The following DYNC2I1 variants were observed in gnomAD, a reference collection of about 807,000 sequenced individuals.
DYNC2I1 encodes the protein cytoplasmic dynein 2 intermediate chain 1.
A neutral mutation model predicts 133.4 loss-of-function variants in DYNC2I1; 89 were observed. The observed-to-expected ratio is 0.67, with a 90% confidence interval of 0.56 to 0.80. The LOEUF (loss-of-function observed/expected upper bound fraction) is 0.80, where lower values mean the gene tolerates loss of function less well. Ranked by LOEUF, DYNC2I1 falls within the 30% of genes least tolerant of loss-of-function variation. The probability of loss-of-function intolerance (pLI) is 0.00; values close to 1 mark genes in which losing one functional copy is unlikely to be tolerated. For missense variants in DYNC2I1, 1,291 were observed against 1,314.5 expected (o/e 0.98, Z 0.28); for synonymous variants, 504 against 484.3 (o/e 1.04, Z -0.54).
rs763109386 is a variant in DYNC2I1 at position 158,945,749 on chromosome 7, C to T, written c.3171C>T (p.Ala1057=). The change falls in exon 25 of 25, where the codon GCC becomes GCT. Residue 1057 remains alanine (A), a synonymous_variant. Transcript: ENST00000407559. The surrounding 1 kb of genome is among the most constrained non-coding windows in gnomAD (Gnocchi z 4.1). The part of the protein sequence containing the change: ...CNRLRLLLQE[A]LWPEGKLHK ...GGCTGCGTCTGCTTTTGCAGGAAGC[C>T]CTGTGGCCAGAGGGAAAACTGCACA... The T allele has an allele frequency of 2.2e-5, 35 of 1,588,178 alleles. No homozygotes were observed. The highest frequency in any genetic ancestry group is 2.1e-5 in the Non-Finnish European group (25 of 1,166,068).
intron 5 of DYNC2I1, among the ~76,000 whole-genome samples, chr7:158,881,357 T>C (rs1458065492): frequency 6.6e-6 from 1 of 152,196 alleles, no homozygotes; most frequent in Non-Finnish European, 1.5e-5. Flanking sequence ...AAGCCTGGAC[T>C]CCCCTCTAGT....
chr7:158,942,464 C>G (rs1274339971), intron 24 of DYNC2I1, among the ~76,000 whole-genome samples: 1 of 152,148 alleles, frequency 6.6e-6, no homozygotes, highest in Non-Finnish European at 1.5e-5. Context: ...CCTGAGGGTT[C>G]ACTCTTGGGT....
At position 158,913,032 on chromosome 7, in the gene DYNC2I1, G is replaced by A. The variant is rs1367408843; in HGVS notation, c.1638G>A (p.Thr546=). 18 of 1,613,306 alleles carry A rather than the reference G, an allele frequency of 1.1e-5. No individual in the cohort carries two copies. The highest frequency in any genetic ancestry group is 1.7e-5 in the Admixed American group (1 of 59,948). Residue 546 remains threonine, a synonymous_variant, in exon 13 of 25, where the codon ACG becomes ACA. Coordinates refer to ENST00000407559, the MANE Select transcript of DYNC2I1 (RefSeq NM_018051.5). The stretch of plus-strand genomic sequence containing the variant: ...ATAATGTTGAAAGAGACATTCAAAC[G>A]GAGGAAATAGAGACCAGGGAAGTGT... ...NEDNVERDIQ[T]EEIETREVWT...
rs1261400525 is a variant in DYNC2I1 at position 158,926,252 on chromosome 7, G to A, written c.2323G>A (p.Val775Ile). ...AGCAGTAGAACCTATCTCAACGTCC[G>A]TCCACAAAAAGCAGAGCTTTGTGCT... ...LQAVEPISTS[V>I]HKKQSFVLSP... Residue 775 changes from valine (V) to isoleucine (I), a missense_variant, in exon 18 of 25, where the codon GTC (valine) becomes ATC (isoleucine). Physicochemically the swap from Val to Ile is conservative, Grantham distance 29 (BLOSUM62 3). Coordinates refer to ENST00000407559, the MANE Select transcript of DYNC2I1 (RefSeq NM_018051.5). 15 of 1,613,386 alleles carry A rather than the reference G, an allele frequency of 9.3e-6. No homozygotes were observed. The highest frequency in any genetic ancestry group is 6.7e-5 in the East Asian group (3 of 44,872).
intron 11 of DYNC2I1, among the ~76,000 whole-genome samples, chr7:158,908,494 TA>T: frequency 6.6e-6 from 1 of 152,354 alleles, no homozygotes; most frequent in East Asian, 1.9e-4. Flanking sequence ...GATAGAGACT[TA>T]TTATCCCTAA....
chr7:158,930,690 C>G (rs899716953), intron 21 of DYNC2I1, among the ~76,000 whole-genome samples, 175 bp downstream of exon 21: 1 of 151,884 alleles, frequency 6.6e-6, no homozygotes, highest in Non-Finnish European at 1.5e-5. Context: ...TTTTTTGAGA[C>G]GGAGTTTCAC....
chr7:158,841,908 A>C, the DYNC2I1 span, among the ~76,000 whole-genome samples: 1 of 152,160 alleles, frequency 6.6e-6, no homozygotes, highest in African/African-American at 2.4e-5. Context: ...TATAATTCAG[A>C]AGTCCTCTGA....
intron 21 of DYNC2I1, 25 bp downstream of exon 21, chr7:158,930,540 A>G (rs762709953): frequency 1.3e-6 from 2 of 1,599,986 alleles, no homozygotes; most frequent in East Asian, 2.2e-5. Context: ...AAAATGCTTC[A>G]CTATCTCACA....
At chr7:158,886,589 A>AC (rs1844627141) in intron 6 of DYNC2I1, among the ~76,000 whole-genome samples, 1 of 152,192 alleles carries the variant, frequency 6.6e-6, no homozygotes, top group African/African-American at 2.4e-5. Flanking sequence ...TGCTTTGCTA[A>AC]CCTGAAACAG....
the DYNC2I1 span, among the ~76,000 whole-genome samples, chr7:158,846,832 G>T: frequency 3.3e-5 from 5 of 152,084 alleles, no homozygotes; most frequent in Non-Finnish European, 7.4e-5. Context: ...TTTACCTTTT[G>T]TTGGCTTTTT....
Position 158,941,591 on chromosome 7 carries a change from CAAAA to C in DYNC2I1, c.2779-331_2779-328del, listed in dbSNP as rs546248646. ...TGCTGAGATCAAGTTACGAAAAAAA[CAAAA>C]AAGAGGCTGGGCATGATGGCTCACA... is the stretch of plus-strand genomic sequence containing the variant. On this transcript the variant is annotated intron_variant, in intron 23 of 24. Transcript: ENST00000407559. Among the ~76,000 whole-genome samples, 1,320 of 152,182 alleles carry C rather than the reference CAAAA, an allele frequency of 8.7e-3. 14 individuals are homozygous for C. The highest frequency in any genetic ancestry group is 0.014 in the Non-Finnish European group (980 of 67,976).
intron 21 of DYNC2I1, among the ~76,000 whole-genome samples, chr7:158,931,046 G>A (rs1850169124): frequency 6.6e-6 from 1 of 151,758 alleles, no homozygotes. Context: ...ATTAAGTAGA[G>A]GTTATTTTCT....
intron 15 of DYNC2I1, among the ~76,000 whole-genome samples, chr7:158,919,615 G>A (rs1462812896): frequency 1.3e-5 from 2 of 152,184 alleles, no homozygotes; most frequent in East Asian, 1.9e-4. Flanking sequence ...TTCGGGGCAC[G>A]TGTGAGACCA....
intron 4 of DYNC2I1, among the ~76,000 whole-genome samples, chr7:158,878,854 G>T (rs1194384887): frequency 6.9e-6 from 1 of 145,028 alleles, no homozygotes; most frequent in Non-Finnish European, 1.5e-5. Flanking sequence ...CATGTGGGGT[G>T]GCCAGGAGGG....
chr7:158,915,276 CGGTGGTTG>C (rs1847956860), intron 14 of DYNC2I1, among the ~76,000 whole-genome samples: 1 of 110,732 alleles, frequency 9.0e-6, no homozygotes, highest in African/African-American at 3.5e-5. Flanking sequence ...AACCTCGACA[CGGTGGTTG>C]AGATTAAGGA....
In DYNC2I1 at chr7:158,934,163, A is replaced by G. The variant is rs545922008; in HGVS notation, c.2581A>G (p.Thr861Ala). The G allele has an allele frequency of 1.7e-5, 27 of 1,612,686 alleles. No individual in the cohort carries two copies. In the African/African-American group the frequency reaches 2.5e-4, roughly 15 times the overall value. Residue 861 changes from threonine (T) to alanine (A), a missense_variant, in exon 22 of 25, where the codon ACA becomes GCA. Physicochemically the swap from Thr to Ala is moderately conservative, Grantham distance 58. Transcript: ENST00000407559. The stretch of plus-strand genomic sequence containing the variant: ...TAAAGGTAATGAATTTTGGGGCACT[A>G]CACAAACACTGAATGTTAAATTTCT... ...SHKGNEFWGTTQTLNVKFLPS... is the reference protein window; with the variant it reads ...SHKGNEFWGTAQTLNVKFLPS...
intron 1 of DYNC2I1, among the ~76,000 whole-genome samples, chr7:158,865,053 G>A (rs1842281191): frequency 6.6e-6 from 1 of 152,190 alleles, no homozygotes; most frequent in African/African-American, 2.4e-5. Context: ...TTGGCTTACA[G>A]AGCGCGGAAG....
chr7:158,885,816 G>A (rs950428404), intron 6 of DYNC2I1, among the ~76,000 whole-genome samples: 1 of 152,100 alleles, frequency 6.6e-6, no homozygotes, highest in Non-Finnish European at 1.5e-5. Flanking sequence ...TATACTGCAT[G>A]TCCACTAGAA....
At chr7:158,876,346 A>G (rs842688) in intron 3 of DYNC2I1, among the ~76,000 whole-genome samples, 34,228 of 152,072 alleles carry the variant, frequency 0.23, 4,034 homozygotes, top group Middle Eastern at 0.28. Flanking sequence ...AGCATTGGGG[A>G]CTACATTTCA....
Sources: gnomAD v4.1 joint callset for allele counts (sites outside exome capture counted in the v4.1 genomes callset) on GRCh38, gnomAD v4.1.1 for gene constraint, Gnocchi (gnomAD v3.1) non-coding constraint, MANE v1.5 for transcripts, NCBI Gene and HGNC (gene_info 2026-07-23, HGNC 2026-07-21) for gene names.